SAV1: variants seen among roughly 807,000 people sequenced by gnomAD.
The protein encoded by SAV1 is salvador family WW domain containing protein 1.
In SAV1, 23 loss-of-function variants were observed where a neutral mutation model predicts 47.3. The observed-to-expected ratio is 0.49, with a 90% CI of 0.35 to 0.69. SAV1 has a LOEUF of 0.69. Among genes scored for constraint, SAV1 ranks in the 30% least tolerant of loss-of-function variants. The pLI is 0.01. For synonymous variants in SAV1, 155 were observed against 159.2 expected (o/e 0.97, Z 0.20); for missense variants, 448 against 457.4 (o/e 0.98, Z 0.19).
At chr14:50,648,501 C>T (rs1430229848) in intron 2 of SAV1, among the ~76,000 whole-genome samples, 5 of 152,110 alleles carry the variant, frequency 3.3e-5, no homozygotes, top group African/African-American at 9.7e-5. Context: ...AATAGTTGGC[C>T]GGGTGCGGTG....
At chr14:50,641,364 T>C (rs938379813) in intron 3 of SAV1, among the ~76,000 whole-genome samples, 2 of 149,940 alleles carry the variant, frequency 1.3e-5, no homozygotes, top group African/African-American at 4.9e-5. Flanking sequence ...TCAGAGTTGA[T>C]CAGAACCTAT....
intron 2 of SAV1, among the ~76,000 whole-genome samples, chr14:50,652,772 T>C (rs543077965): frequency 1.3e-5 from 2 of 152,348 alleles, no homozygotes; most frequent in Admixed American, 1.3e-4. Context: ...GGCTCACGCC[T>C]ATAATCCCAA....
At chr14:50,659,481 C>T (rs2039840764) in intron 2 of SAV1, among the ~76,000 whole-genome samples, 1 of 152,224 alleles carries the variant, frequency 6.6e-6, no homozygotes, top group South Asian at 2.1e-4. Context: ...AAATGGCAGT[C>T]ACTAATAATT....
At chr14:50,653,433 A>C (rs1177865246) in intron 2 of SAV1, among the ~76,000 whole-genome samples, 2 of 152,222 alleles carry the variant, frequency 1.3e-5, no homozygotes, top group Non-Finnish European at 2.9e-5. Flanking sequence ...AATAAAGAAG[A>C]AATGACAGAA....
At chr14:50,640,694 C>T in intron 4 of SAV1, 56 bp downstream of exon 4, 11 of 1,520,162 alleles carry the variant, frequency 7.2e-6, no homozygotes, top group Non-Finnish European at 9.8e-6. Flanking sequence ...AGCCCAGAGA[C>T]TCCATTCAGC....
chr14:50,634,517 T>C lies in SAV1; in HGVS notation c.*666A>G, dbSNP rs1315034824. On this transcript the variant is annotated 3_prime_UTR_variant, in exon 5 of 5. Transcript: ENST00000324679. Reference sequence around the variant, plus strand: ...GCACACACCATCATACCCGGCTAATTTTTTTGTATTTTTTGTAGAGATGGG... The same window carrying C: ...GCACACACCATCATACCCGGCTAATCTTTTTGTATTTTTTGTAGAGATGGG... The C allele has an allele frequency of 6.3e-6, 1 of 158,790 alleles. No individual in the cohort carries two copies. Among genetic ancestry groups the C allele is most frequent in the Non-Finnish European group, 1.4e-5 (1 of 72,488 alleles). The allele number at this position is 158,790 out of a possible 1,614,324, so 9.8% of individuals were successfully genotyped here.
Position 50,667,996 on chromosome 14 carries a change from G to C in SAV1, c.-29C>G. The C allele has an allele frequency of 1.3e-6, 2 of 1,586,048 alleles. No homozygotes were observed. Among genetic ancestry groups the C allele is most frequent in the Non-Finnish European group, 1.7e-6 (2 of 1,162,768 alleles). ...TCTCGACGAGGCCCGAGGCCGCGCTGAACTGCCTCCCTAGGGCTCCGCGCC... is the reference window on the plus strand; with the variant it reads ...TCTCGACGAGGCCCGAGGCCGCGCTCAACTGCCTCCCTAGGGCTCCGCGCC... On this transcript the variant is annotated 5_prime_UTR_variant, in exon 1 of 5. Transcript: ENST00000324679.
chr14:50,651,206 T>C (rs1035003677), intron 2 of SAV1, among the ~76,000 whole-genome samples: 1 of 152,198 alleles, frequency 6.6e-6, no homozygotes, highest in African/African-American at 2.4e-5. Flanking sequence ...TATTGTTTTA[T>C]GCCAATGAGT....
rs796561932 is a variant in SAV1, at chr14:50,666,794, AAAC to A, written c.94+1077_94+1079del. ...AAATCAAGTTGTTAAAAAAAAAAAAAAACAACTTAAAAATCAAGTTTCGAGTTA... is the reference window on the plus strand; with the variant it reads ...AAATCAAGTTGTTAAAAAAAAAAAAAAACTTAAAAATCAAGTTTCGAGTTA... On this transcript the variant is annotated intron_variant, in intron 1 of 4. Transcript: ENST00000324679. 1.4e-3 allele frequency among the ~76,000 whole-genome samples: 215 copies of A among 152,026 alleles called. 4 individuals carry two copies. In the South Asian group the frequency reaches 0.041, roughly 29 times the overall value.
chr14:50,667,805 C>T, intron 1 of SAV1, 69 bp downstream of exon 1: 2 of 1,302,940 alleles, frequency 1.5e-6, no homozygotes, highest in Non-Finnish European at 2.2e-6. Context: ...CCCGCCGGCG[C>T]CCCCGCCAGG....
chr14:50,660,436 C>T (rs565294146), intron 2 of SAV1, among the ~76,000 whole-genome samples: 5 of 152,244 alleles, frequency 3.3e-5, no homozygotes, highest in South Asian at 2.1e-4. Flanking sequence ...CTGCTCTATT[C>T]GGATAGCAGA....
At chr14:50,637,081 T>C (rs2039640941) in intron 4 of SAV1, among the ~76,000 whole-genome samples, 1 of 152,216 alleles carries the variant, frequency 6.6e-6, no homozygotes, top group Non-Finnish European at 1.5e-5. Flanking sequence ...TTTTGACATG[T>C]TTCTATTCAA....
Position 50,634,812 on chromosome 14 carries a change from A to T in SAV1, c.*371T>A, listed in dbSNP as rs189659492. 54 of 172,662 alleles carry T rather than the reference A, an allele frequency of 3.1e-4. No homozygotes were observed. Among genetic ancestry groups the T allele is most frequent in the Admixed American group, 7.2e-4 (12 of 16,712 alleles). 10.7% of individuals were successfully genotyped at this position (172,662 alleles called of 1,614,324 possible). On this transcript the variant is annotated 3_prime_UTR_variant, in exon 5 of 5. Coordinates refer to ENST00000324679, the MANE Select transcript of SAV1 (RefSeq NM_021818.4). ...CACTACAGCGGTAAACTTTTTTTTTAAAAAAATACCGCAGATTCTTTTTTT... is the reference window on the plus strand; with the variant it reads ...CACTACAGCGGTAAACTTTTTTTTTTAAAAAATACCGCAGATTCTTTTTTT...
At chr14:50,652,817 G>C (rs768297869) in intron 2 of SAV1, among the ~76,000 whole-genome samples, 4 of 152,204 alleles carry the variant, frequency 2.6e-5, no homozygotes, top group Non-Finnish European at 5.9e-5. Flanking sequence ...CATCACCTGA[G>C]GTCAAGAGTT....
chr14:50,653,695 C>T (rs769514154), intron 2 of SAV1, among the ~76,000 whole-genome samples: 67 of 152,000 alleles, frequency 4.4e-4, no homozygotes, highest in Non-Finnish European at 8.4e-4. Flanking sequence ...ATGGTGAAAC[C>T]CTGTCTCTAC....
chr14:50,665,503 G>T lies in SAV1; in HGVS notation c.211C>A (p.Gln71Lys). Residue 71 changes from glutamine to lysine, a missense_variant, in exon 2 of 5, where the codon CAG becomes AAG. Coordinates refer to ENST00000324679, the MANE Select transcript of SAV1 (RefSeq NM_021818.4). ...STSGDVVSRN[Q>K]SFLRTPIQRT... Reference sequence around the variant, plus strand: ...TGAATTGGAGTTCTAAGGAAACTCTGGTTTCTTGAAACTACATCTCCAGAA... The same window carrying T: ...TGAATTGGAGTTCTAAGGAAACTCTTGTTTCTTGAAACTACATCTCCAGAA... The T allele has an allele frequency of 6.2e-7, 1 of 1,613,960 alleles. No individual in the cohort carries two copies. The highest frequency in any genetic ancestry group is 1.1e-5 in the South Asian group (1 of 91,062).
intron 2 of SAV1, among the ~76,000 whole-genome samples, chr14:50,660,330 G>A (rs768284175): frequency 2.6e-5 from 4 of 152,130 alleles, no homozygotes; most frequent in South Asian, 2.1e-4. Context: ...CAGTCTTGGC[G>A]GTGATGACTC....
chr14:50,643,594 A>T (rs1368403690), intron 3 of SAV1, among the ~76,000 whole-genome samples: 1 of 152,214 alleles, frequency 6.6e-6, no homozygotes, highest in African/African-American at 2.4e-5. Flanking sequence ...GAGCCAAACC[A>T]TGTCAACGAA....
chr14:50,636,002 C>T (rs370223292), intron 4 of SAV1, among the ~76,000 whole-genome samples: 3 of 152,098 alleles, frequency 2.0e-5, no homozygotes, highest in Non-Finnish European at 4.4e-5. Context: ...CCACCGCGCC[C>T]GGCCTACATA....
Sources: gnomAD v4.1 joint callset for allele counts (sites outside exome capture counted in the v4.1 genomes callset) on GRCh38, gnomAD v4.1.1 for gene constraint, MANE v1.5 for transcripts, NCBI Gene and HGNC (gene_info 2026-07-23, HGNC 2026-07-21) for gene names.